Variants in CNOT1 observed in about 807,000 individuals in gnomAD.
The protein encoded by CNOT1 is CCR4-associated factor 1.
CNOT1 carries 15 observed loss-of-function variants against 273.8 expected under a neutral mutation model. That is an observed-to-expected ratio of 0.05 (90% confidence interval 0.04 to 0.08). CNOT1 has a LOEUF of 0.08. Among genes scored for constraint, CNOT1 ranks in the 10% least tolerant of loss-of-function variants. The pLI is 1.00. For missense variants in CNOT1, 1,644 were observed against 2,912.2 expected, an observed-to-expected ratio of 0.56 and a Z score of 10.02; for synonymous variants, 1,022 against 1,005.5, an observed-to-expected ratio of 1.02 and a Z score of -0.31.
chr16:58,525,465 TTTA>T, intron 45 of CNOT1, 106 bp from the exon 46 acceptor site: 1 of 879,222 alleles, frequency 1.1e-6, no homozygotes, highest in Non-Finnish European at 1.7e-6. Flanking sequence ...AGGCCAAACA[TTTA>T]TTGTGATTCA....
intron 19 of CNOT1, 135 bp downstream of exon 19, chr16:58,556,712 T>A (rs1262858091): frequency 7.2e-7 from 1 of 1,389,892 alleles, no homozygotes. Flanking sequence ...TAACTTTTAA[T>A]AATTCAAATT....
chr16:58,549,687 T>C (rs769961061), intron 25 of CNOT1, 32 bp downstream of exon 25: 3 of 1,559,052 alleles, frequency 1.9e-6, no homozygotes, highest in African/African-American at 1.4e-5. Context: ...TTCAAAGCAA[T>C]AATTAAAGGA....
Position 58,570,135 on chromosome 16 carries a change from C to G in CNOT1, c.1979+4474G>C, listed in dbSNP as rs572869778. 7.9e-5 allele frequency among the ~76,000 whole-genome samples: 12 copies of G among 152,262 alleles called. No homozygotes were observed. The East Asian group carries it at 2.1e-3, about 27-fold the overall frequency. Reference sequence around the variant, plus strand: ...TGCCAACCAGGAATCCTTCATCTGGCAAAGCTATCCCCAAAGATACAGGAG... The same window carrying G: ...TGCCAACCAGGAATCCTTCATCTGGGAAAGCTATCCCCAAAGATACAGGAG... On this transcript the variant is annotated intron_variant, in intron 16 of 48. Transcript: ENST00000317147.
At position 58,593,494 on chromosome 16, in the gene CNOT1, G is replaced by A. The variant is rs138425295; in HGVS notation, c.103-4588C>T. On this transcript the variant is annotated intron_variant, in intron 2 of 48. Transcript: ENST00000317147. ...GAATCGCTTGAATCTGGGAGGTGGA[G>A]GTTGCAGCGAGCGGAGATCGTGCCA... Among the ~76,000 whole-genome samples, 51 of 152,090 alleles carry A rather than the reference G, an allele frequency of 3.4e-4. No homozygotes were observed. The East Asian group carries it at 9.5e-3, about 28-fold the overall frequency.
chr16:58,618,365 C>T (rs1188619044), intron 1 of CNOT1, among the ~76,000 whole-genome samples: 1 of 151,938 alleles, frequency 6.6e-6, no homozygotes, highest in Non-Finnish European at 1.5e-5. Flanking sequence ...GGATGGATCA[C>T]GAGGTCAGGA....
At position 58,543,500 on chromosome 16, in the gene CNOT1, TTAAGAA is replaced by T. The variant is rs746017132; in HGVS notation, c.4434+101_4434+106del. 2.1e-5 allele frequency: 33 copies of T among 1,551,676 alleles called. 1 individual carries two copies. Among genetic ancestry groups the T allele is most frequent in the East Asian group, 1.4e-4 (6 of 42,364 alleles). On this transcript the variant is annotated intron_variant, in intron 31 of 48. Transcript: ENST00000317147. ...AGACATCAAACAAATATGGTGATTA[TTAAGAA>T]TAAGTGGTAACGCCCAGTGCCATAT... is the stretch of plus-strand genomic sequence containing the variant.
intron 15 of CNOT1, 59 bp from the exon 16 acceptor site, chr16:58,574,819 A>G: frequency 1.3e-6 from 2 of 1,575,562 alleles, no homozygotes; most frequent in Non-Finnish European, 1.7e-6. Context: ...TTTTTGGATT[A>G]AAGATAACTA....
intron 16 of CNOT1, among the ~76,000 whole-genome samples, chr16:58,570,403 T>C (rs1352805787): frequency 6.6e-6 from 1 of 152,188 alleles, no homozygotes; most frequent in Non-Finnish European, 1.5e-5. Flanking sequence ...TTTGGGAAGC[T>C]AAAACGGGAG....
chr16:58,546,609 A>G, intron 28 of CNOT1, 63 bp downstream of exon 28: 1 of 1,612,228 alleles, frequency 6.2e-7, no homozygotes, highest in Non-Finnish European at 8.5e-7. Flanking sequence ...CCCTGCCTTC[A>G]CTGTAAGTTT....
chr16:58,589,210 A>G (rs1251715887), intron 2 of CNOT1, among the ~76,000 whole-genome samples: 1 of 152,132 alleles, frequency 6.6e-6, no homozygotes, highest in Non-Finnish European at 1.5e-5. Context: ...CTGTAATTCA[A>G]TATTATAAAA....
intron 1 of CNOT1, among the ~76,000 whole-genome samples, chr16:58,617,846 TACA>T (rs1439427301): frequency 7.2e-5 from 11 of 152,112 alleles, no homozygotes; most frequent in African/African-American, 2.4e-4. Context: ...TCTCTACAAC[TACA>T]ACAATAAAAA....
At position 58,534,442 on chromosome 16, in the gene CNOT1, A is replaced by C. The variant is rs150341731; in HGVS notation, c.5647-47T>G. On this transcript the variant is annotated intron_variant, in intron 39 of 48. Transcript: ENST00000317147. The stretch of plus-strand genomic sequence containing the variant: ...AAGACACAATGAGGTAACACACACA[A>C]ATAAACTTCATATACCTTTAATTTT... 1.9e-6 allele frequency: 3 copies of C among 1,592,338 alleles called. No homozygotes were observed. The African/African-American group carries it at 4.0e-5, about 21-fold the overall frequency.
At position 58,560,346 on chromosome 16, in the gene CNOT1, G is replaced by C. The variant is rs1203324363; in HGVS notation, c.1996C>G (p.Leu666Val). 6.2e-7 allele frequency: 1 copy of C among 1,613,850 alleles called. No individual in the cohort carries two copies. The highest frequency in any genetic ancestry group is 8.5e-7 in the Non-Finnish European group (1 of 1,179,982). ...ACCATGGTGAGGATAGTTTCTGATA[G>C]CTCCTGAGAAACACTCCTAAAATAG... is the stretch of plus-strand genomic sequence containing the variant. ...QACAGSVSQE[L>V]SETILTMVAN... Residue 666 changes from leucine (L) to valine (V), a missense_variant, in exon 17 of 49, where the codon CTA becomes GTA. By Grantham distance (32) the Leu-to-Val change is conservative. This residue lies in a region of CNOT1 where 706 missense variants were observed against 1,021.2 expected (regional missense o/e 0.69). Coordinates refer to ENST00000317147, the MANE Select transcript of CNOT1 (RefSeq NM_016284.5).
At chr16:58,533,318 A>C (rs947605481) in intron 40 of CNOT1, among the ~76,000 whole-genome samples, 4 of 152,062 alleles carry the variant, frequency 2.6e-5, no homozygotes, top group Admixed American at 1.3e-4. Flanking sequence ...CAGGCGGGTC[A>C]CTTGAGGGAC....
At chr16:58,531,935 C>G in intron 42 of CNOT1, 23 bp downstream of exon 42, 1 of 1,613,264 alleles carries the variant, frequency 6.2e-7, no homozygotes, top group Non-Finnish European at 8.5e-7. Flanking sequence ...TCTTCATCTA[C>G]AGGAGATAAA....
At chr16:58,574,099 AAAGAAG>A (rs568803564) in intron 16 of CNOT1, among the ~76,000 whole-genome samples, 8 of 151,942 alleles carry the variant, frequency 5.3e-5, no homozygotes, top group South Asian at 2.1e-4. Context: ...AAAAGAAAAA[AAAGAAG>A]AAGAAGAAGA....
chr16:58,607,396 C>T (rs554352911), intron 1 of CNOT1, among the ~76,000 whole-genome samples: 3 of 152,034 alleles, frequency 2.0e-5, no homozygotes, highest in African/African-American at 7.2e-5. Flanking sequence ...TATATAGTTG[C>T]TTTTTTGTGA....
Position 58,582,847 on chromosome 16 carries a change from T to G in CNOT1, c.990A>C (p.Gly330=), listed in dbSNP as rs2041702350. The change falls in exon 10 of 49, where the codon GGA becomes GGC. Residue 330 remains glycine (G), a synonymous_variant. Transcript: ENST00000317147. ...CTACATTCCATGTGTGTGCCTGTGC[T>G]CCATCACTTTTATCTTTCCCATCAC... ...IWSDGKDKSD[G]AQAHTWNVEV... 3 of 1,595,806 alleles carry G rather than the reference T, an allele frequency of 1.9e-6. No homozygotes were observed. Among genetic ancestry groups the G allele is most frequent in the East Asian group, 4.5e-5 (2 of 44,802 alleles).
intron 1 of CNOT1, among the ~76,000 whole-genome samples, chr16:58,606,629 C>A (rs751497346): frequency 6.6e-6 from 1 of 151,960 alleles, no homozygotes; most frequent in Non-Finnish European, 1.5e-5. Flanking sequence ...ATGGCAAAAC[C>A]CTGTCTCTAC....
Sources: allele counts gnomAD v4.1 joint callset (sites outside exome capture counted in the v4.1 genomes callset), GRCh38; gene constraint gnomAD v4.1.1; regional missense constraint gnomAD v4.1.1; transcripts MANE v1.5; gene names NCBI Gene and HGNC (gene_info 2026-07-23, HGNC 2026-07-21).